CAMK1G: variants seen among roughly 807,000 people sequenced by gnomAD.
CAMK1G encodes the protein calcium/calmodulin-dependent protein kinase type 1G.
A neutral mutation model predicts 54.8 loss-of-function variants in CAMK1G; 27 were observed. The observed-to-expected ratio is 0.49, with a 90% CI of 0.36 to 0.68. The LOEUF is 0.68. CAMK1G is among the 30% of genes least tolerant of loss of function. CAMK1G has a pLI of 0.00. For missense variants in CAMK1G, 512 were observed against 591.0 expected (o/e 0.87, Z 1.39); for synonymous variants, 238 against 224.9 (o/e 1.06, Z -0.52).
At chr1:209,591,951 C>T (rs1442437119) in intron 1 of CAMK1G, among the ~76,000 whole-genome samples, 5 of 152,150 alleles carry the variant, frequency 3.3e-5, no homozygotes, top group Non-Finnish European at 7.4e-5. Context: ...GGCCATGAGC[C>T]ACAATGAGCT....
intron 2 of CAMK1G, among the ~76,000 whole-genome samples, 160 bp downstream of exon 2, chr1:209,595,235 G>A (rs1351703809): frequency 1.3e-5 from 2 of 152,154 alleles, no homozygotes; most frequent in Non-Finnish European, 2.9e-5. Flanking sequence ...TGGCCTGGAG[G>A]ATGGTGGGTG....
chr1:209,604,243 A>G (rs918775796), intron 4 of CAMK1G, among the ~76,000 whole-genome samples: 1 of 152,176 alleles, frequency 6.6e-6, no homozygotes, highest in Admixed American at 6.5e-5. Flanking sequence ...CAAGGGAGTG[A>G]GGTGGAAAGG....
intron 1 of CAMK1G, among the ~76,000 whole-genome samples, chr1:209,593,449 AC>A (rs1488879987): frequency 6.6e-6 from 1 of 152,162 alleles, no homozygotes. Context: ...GACACCTGGT[AC>A]CCTGCCATTA....
chr1:209,596,091 C>T (rs1048506476), intron 2 of CAMK1G, among the ~76,000 whole-genome samples: 8 of 152,334 alleles, frequency 5.3e-5, no homozygotes, highest in Admixed American at 5.2e-4. Context: ...TTTGCACTGA[C>T]TAGAAGGCAG....
In CAMK1G at chr1:209,606,379, T is replaced by C. The variant is rs773291208; in HGVS notation, c.495T>C (p.Phe165=). The part of the protein sequence containing the change: ...EENSKIMITD[F]GLSKMEQNGI... ...ACTCTAAGATCATGATCACTGACTTTGGTCTGTCCAAGATGGAACAGAATG... is the reference window on the plus strand; with the variant it reads ...ACTCTAAGATCATGATCACTGACTTCGGTCTGTCCAAGATGGAACAGAATG... The change falls in exon 6 of 13, where the codon TTT becomes TTC. Residue 165 remains phenylalanine, a synonymous_variant. Transcript: ENST00000361322. 7.4e-6 allele frequency: 12 copies of C among 1,614,136 alleles called. No individual in the cohort carries two copies. Among genetic ancestry groups the C allele is most frequent in the Non-Finnish European group, 9.3e-6 (11 of 1,179,992 alleles).
intron 5 of CAMK1G, among the ~76,000 whole-genome samples, chr1:209,605,888 C>G (rs1232484140): frequency 6.6e-6 from 1 of 152,172 alleles, no homozygotes; most frequent in Non-Finnish European, 1.5e-5. Context: ...CTATGCCTTA[C>G]CCTATTTCAA....
chr1:209,593,350 A>G (rs908794584), intron 1 of CAMK1G, among the ~76,000 whole-genome samples: 1 of 152,216 alleles, frequency 6.6e-6, no homozygotes, highest in Non-Finnish European at 1.5e-5. Context: ...AGGGGCAGCT[A>G]TTAGGCATAT....
intron 7 of CAMK1G, among the ~76,000 whole-genome samples, 171 bp from the exon 8 acceptor site, chr1:209,608,809 C>T (rs939973068): frequency 2.6e-5 from 4 of 152,180 alleles, no homozygotes; most frequent in South Asian, 2.1e-4. Context: ...AAACACTTTA[C>T]GGGACCTGTA....
rs1665518427 is a variant in CAMK1G at position 209,601,206 on chromosome 1, CA to C, written c.221+1096del. Among the ~76,000 whole-genome samples the C allele has an allele frequency of 2.0e-5, 3 of 152,082 alleles. No individual in the cohort carries two copies. In the South Asian group the frequency reaches 6.2e-4, roughly 31 times the overall value. On this transcript the variant is annotated intron_variant, in intron 3 of 12. Coordinates refer to ENST00000361322, the MANE Select transcript of CAMK1G (RefSeq NM_020439.3). The stretch of plus-strand genomic sequence containing the variant: ...GACAGGAGGCTAATTATAAGACTTT[CA>C]CAATAATTTAGGCATGGGTTGAGAA...
chr1:209,599,947 C>T, intron 2 of CAMK1G, 36 bp from the exon 3 acceptor site: 12 of 1,609,546 alleles, frequency 7.5e-6, no homozygotes, highest in Non-Finnish European at 1.0e-5. Flanking sequence ...ATGTCTGCCC[C>T]CTACTAAGTT....
chr1:209,605,891 T>C (rs1353272979), intron 5 of CAMK1G, among the ~76,000 whole-genome samples: 1 of 152,188 alleles, frequency 6.6e-6, no homozygotes, highest in Non-Finnish European at 1.5e-5. Flanking sequence ...TGCCTTACCC[T>C]ATTTCAATAC....
chr1:209,603,138 T>C (rs1157122349), intron 3 of CAMK1G, 76 bp from the exon 4 acceptor site: 2 of 1,458,278 alleles, frequency 1.4e-6, no homozygotes, highest in Admixed American at 1.8e-5. Context: ...CAACAGAAAC[T>C]TTTGGGCTAG....
chr1:209,590,561 G>T (rs1042050593), intron 1 of CAMK1G, among the ~76,000 whole-genome samples: 3 of 152,198 alleles, frequency 2.0e-5, no homozygotes, highest in African/African-American at 7.2e-5. Flanking sequence ...AAGGAACAGT[G>T]AGTACAGATC....
intron 1 of CAMK1G, among the ~76,000 whole-genome samples, chr1:209,590,794 C>T (rs1665226936): frequency 6.6e-6 from 1 of 152,108 alleles, no homozygotes; most frequent in African/African-American, 2.4e-5. Flanking sequence ...ATGTTCAAAC[C>T]TTTGCCCTCA....
chr1:209,603,363 G>A (rs543613575), intron 4 of CAMK1G, 75 bp downstream of exon 4: 190 of 1,125,978 alleles, frequency 1.7e-4, no homozygotes, highest in Non-Finnish European at 2.4e-4. Flanking sequence ...TTGGTCGCTG[G>A]TGAGGGATGG....
chr1:209,595,943 C>T (rs1363325200), intron 2 of CAMK1G, among the ~76,000 whole-genome samples: 2 of 151,082 alleles, frequency 1.3e-5, no homozygotes, highest in Non-Finnish European at 2.9e-5. Flanking sequence ...GGCAGCAGCT[C>T]CAGGCCACTG....
At chr1:209,607,648 C>G in intron 6 of CAMK1G, 1 of 509,224 alleles carries the variant, frequency 2.0e-6, no homozygotes, top group South Asian at 3.1e-5. Flanking sequence ...AACTCACAAA[C>G]TAATGCAGAA....
At chr1:209,594,470 TA>T (rs1665332035) in intron 1 of CAMK1G, among the ~76,000 whole-genome samples, 1 of 152,242 alleles carries the variant, frequency 6.6e-6, no homozygotes, top group East Asian at 1.9e-4. Flanking sequence ...CTAAATGTTG[TA>T]GGAGTTACAA....
rs1318811772 is a variant in CAMK1G, at chr1:209,613,233, CAGG to C, written c.*234_*236del. The C allele has an allele frequency of 1.6e-5, 4 of 249,834 alleles. No individual in the cohort carries two copies. Among genetic ancestry groups the C allele is most frequent in the African/African-American group, 4.4e-5 (2 of 45,752 alleles). 15.5% of individuals were successfully genotyped at this position (249,834 alleles called of 1,614,324 possible). The stretch of plus-strand genomic sequence containing the variant: ...GTAGAAGCCTTGTTGAAGCTGTGAG[CAGG>C]AGAAGCGGTGCCCACCAGCTTCCAG... On this transcript the variant is annotated 3_prime_UTR_variant, in exon 13 of 13. Coordinates refer to ENST00000361322, the MANE Select transcript of CAMK1G (RefSeq NM_020439.3).
Sources: gnomAD v4.1 joint callset for allele counts (sites outside exome capture counted in the v4.1 genomes callset) on GRCh38, gnomAD v4.1.1 for gene constraint, MANE v1.5 for transcripts, NCBI Gene and HGNC (gene_info 2026-07-23, HGNC 2026-07-21) for gene names.